Variants in GNAQ observed in about 807,000 individuals in gnomAD.
GNAQ encodes guanine nucleotide-binding protein G(q) subunit alpha.
GNAQ carries 8 observed loss-of-function variants against 43.9 expected under a neutral mutation model. That is an observed-to-expected ratio of 0.18 (90% confidence interval 0.11 to 0.33). The LOEUF (loss-of-function observed/expected upper bound fraction) is 0.33. Ranked by LOEUF, GNAQ falls within the 10% of genes least tolerant of loss-of-function variation. The pLI, the probability that GNAQ is intolerant of heterozygous loss-of-function variation, is 1.00. For synonymous variants in GNAQ, 155 were observed against 170.7 expected, an observed-to-expected ratio of 0.91 and a Z score of 0.71; for missense variants, 158 against 450.8, an observed-to-expected ratio of 0.35 and a Z score of 5.88.
chr9:77,941,621 G>C (rs951612863), intron 1 of GNAQ, among the ~76,000 whole-genome samples: 11 of 151,974 alleles, frequency 7.2e-5, no homozygotes, highest in South Asian at 2.1e-4. Flanking sequence ...CTTTCCCCAA[G>C]GAAATGCTCA....
chr9:77,756,240 T>A (rs1477670182), intron 5 of GNAQ, among the ~76,000 whole-genome samples: 1 of 152,246 alleles, frequency 6.6e-6, no homozygotes, highest in Non-Finnish European at 1.5e-5. Context: ...CCCCGTTATG[T>A]ATACATCTAT....
chr9:77,871,030 G>C (rs1828032360), intron 2 of GNAQ, among the ~76,000 whole-genome samples: 1 of 152,150 alleles, frequency 6.6e-6, no homozygotes, highest in South Asian at 2.1e-4. Context: ...AATGGTAGTG[G>C]TGGGTGCATG....
intron 2 of GNAQ, among the ~76,000 whole-genome samples, chr9:77,895,697 C>T (rs1321350588): frequency 6.6e-6 from 1 of 152,182 alleles, no homozygotes; most frequent in Non-Finnish European, 1.5e-5. Flanking sequence ...TGTCCCCACT[C>T]AAATCTCATC....
intron 2 of GNAQ, among the ~76,000 whole-genome samples, chr9:77,866,806 CTT>C (rs1353791189): frequency 6.6e-6 from 1 of 152,080 alleles, no homozygotes; most frequent in Non-Finnish European, 1.5e-5. Context: ...AAAATACAAA[CTT>C]TTTAAATGAA....
chr9:77,861,883 T>C (rs1367313997), intron 2 of GNAQ, among the ~76,000 whole-genome samples: 2 of 151,914 alleles, frequency 1.3e-5, no homozygotes, highest in Non-Finnish European at 2.9e-5. Flanking sequence ...CACACACCTG[T>C]AATCCCAGCT....
At chr9:77,987,939 G>A (rs1823462630) in intron 1 of GNAQ, among the ~76,000 whole-genome samples, 1 of 152,144 alleles carries the variant, frequency 6.6e-6, no homozygotes, top group African/African-American at 2.4e-5. Context: ...ATGAGTAGGG[G>A]GTGGTGTTGT....
intron 1 of GNAQ, among the ~76,000 whole-genome samples, chr9:77,952,709 A>G (rs1161421174): frequency 6.6e-6 from 1 of 152,226 alleles, no homozygotes; most frequent in African/African-American, 2.4e-5. Flanking sequence ...ACCATGCTAA[A>G]TCAGAAAGTG....
chr9:77,817,686 T>C (rs537865722), intron 2 of GNAQ, among the ~76,000 whole-genome samples: 5 of 152,308 alleles, frequency 3.3e-5, no homozygotes, highest in African/African-American at 1.2e-4. Flanking sequence ...TAAGACACTG[T>C]CCCTCTGGGA....
intron 5 of GNAQ, among the ~76,000 whole-genome samples, chr9:77,742,446 C>CA (rs1825667924): frequency 6.6e-6 from 1 of 151,994 alleles, no homozygotes; most frequent in Admixed American, 6.6e-5. Context: ...TATTTTGCCC[C>CA]AAATAAGAGT....
At chr9:78,024,112 T>C (rs7859127) in intron 1 of GNAQ, among the ~76,000 whole-genome samples, 33,414 of 152,156 alleles carry the variant, frequency 0.22, 3,878 homozygotes, top group South Asian at 0.39. Flanking sequence ...TTCAAAGAAC[T>C]TGTGTGTGTA....
In GNAQ at chr9:77,897,428, G is replaced by C. The variant is rs147205802; in HGVS notation, c.321+24733C>G. On this transcript the variant is annotated intron_variant, in intron 2 of 6. Transcript: ENST00000286548. ...GCAAGGACTGTCTACAGAAAAAAAA[G>C]TGAGAGGTGGCCAACTTCGAAAGGC... Among the ~76,000 whole-genome samples, 856 of 152,316 alleles carry C rather than the reference G, an allele frequency of 5.6e-3. 9 individuals are homozygous for C. Among genetic ancestry groups the C allele is most frequent in the African/African-American group, 0.019 (807 of 41,566 alleles).
intron 1 of GNAQ, among the ~76,000 whole-genome samples, chr9:78,026,833 T>C (rs147687157): frequency 7.0e-4 from 107 of 152,336 alleles, no homozygotes; most frequent in African/African-American, 2.4e-3. Flanking sequence ...ATCCTTCATA[T>C]TAAAAATGTT....
chr9:77,829,531 A>C (rs777049015), intron 2 of GNAQ, among the ~76,000 whole-genome samples: 1 of 152,204 alleles, frequency 6.6e-6, no homozygotes, highest in Admixed American at 6.5e-5. Context: ...AGTGTTCACA[A>C]TAAAATTCCC....
At chr9:77,857,654 G>C (rs141415420) in intron 2 of GNAQ, among the ~76,000 whole-genome samples, 1 of 88,776 alleles carries the variant, frequency 1.1e-5, no homozygotes, top group African/African-American at 4.6e-5. Context: ...GGGGGAAGGA[G>C]GGAAGGAGGG....
chr9:77,930,879 G>A (rs937742958), intron 1 of GNAQ, among the ~76,000 whole-genome samples: 3 of 152,078 alleles, frequency 2.0e-5, no homozygotes, highest in Non-Finnish European at 2.9e-5. Context: ...GAACCGGGCC[G>A]CACAGCAAGA....
At chr9:77,974,990 A>G (rs1218639642) in intron 1 of GNAQ, among the ~76,000 whole-genome samples, 1 of 152,236 alleles carries the variant, frequency 6.6e-6, no homozygotes, top group Non-Finnish European at 1.5e-5. Context: ...GTTTGGTATC[A>G]GCCCACTGTG....
intron 2 of GNAQ, among the ~76,000 whole-genome samples, chr9:77,821,583 T>A (rs1827113456): frequency 6.6e-6 from 1 of 152,186 alleles, no homozygotes; most frequent in African/African-American, 2.4e-5. Flanking sequence ...CCAGAGTATG[T>A]TGATTGATAT....
chr9:78,014,383 G>C (rs552573605), intron 1 of GNAQ, among the ~76,000 whole-genome samples: 33 of 152,186 alleles, frequency 2.2e-4, no homozygotes, highest in Admixed American at 1.4e-3. Context: ...CCAACATTTT[G>C]GCAGGCCTAG....
intron 2 of GNAQ, among the ~76,000 whole-genome samples, chr9:77,821,725 G>GGGTA (rs371110806): frequency 8.2e-5 from 2 of 24,304 alleles, no homozygotes; most frequent in African/African-American, 2.0e-4. Context: ...CCTAGTATGG[G>GGGTA]TGTGTGTGTG....
Sources: allele counts gnomAD v4.1 joint callset (sites outside exome capture counted in the v4.1 genomes callset), GRCh38; gene constraint gnomAD v4.1.1; transcripts MANE v1.5; gene names NCBI Gene and HGNC (gene_info 2026-07-23, HGNC 2026-07-21).